The following USP50 variants were observed in gnomAD, a reference collection of about 807,000 sequenced individuals.
USP50 encodes the protein ubiquitin specific peptidase 50.
Under a neutral mutation model 39.2 loss-of-function variants are expected in USP50, and 37 were observed. That is an observed-to-expected ratio of 0.94 (90% CI 0.73 to 1.24). The LOEUF (loss-of-function observed/expected upper bound fraction) is 1.24. Ranked by LOEUF, USP50 falls within the 50% of genes most tolerant of loss-of-function variation. USP50 has a pLI of 0.00. For missense variants in USP50, 374 were observed against 398.2 expected (o/e 0.94, Z 0.52); for synonymous variants, 139 against 144.5 (o/e 0.96, Z 0.27).
chr15:50,516,724 C>T (rs2141359006), intron 6 of USP50, among the ~76,000 whole-genome samples: 1 of 144,252 alleles, frequency 6.9e-6, no homozygotes, highest in South Asian at 2.3e-4. Context: ...GGTAAATGGA[C>T]ACTAAAAGAA....
At chr15:50,496,109 A>ATGAT (rs746762355), downstream of USP50, 9 of 1,538,400 alleles carry the variant, frequency 5.9e-6, no homozygotes, top group Middle Eastern at 1.8e-4. Context: ...TAGAGAGAAA[A>ATGAT]TGATTTATTG....
chr15:50,517,292 G>A (rs993603222), intron 6 of USP50, among the ~76,000 whole-genome samples: 5 of 152,118 alleles, frequency 3.3e-5, no homozygotes, highest in African/African-American at 9.6e-5. Flanking sequence ...CCAATGTGGT[G>A]AAACCCCATC....
At chr15:50,528,065 GTTTTTT>G (rs57802702) in intron 6 of USP50, among the ~76,000 whole-genome samples, 66,875 of 129,028 alleles carry the variant, frequency 0.52, 16,785 homozygotes, top group East Asian at 0.59. Context: ...AAAGAACTAA[GTTTTTT>G]TTTTTTTTTT....
Position 50,543,794 on chromosome 15 carries a change from C to G in USP50, c.249-1G>C. ...AGCAGTGGCAACTTCACTGCAATCG[C>G]TTGGAAGAAGAAAGGGATATGTTTC... is the stretch of plus-strand genomic sequence containing the variant. On this transcript the variant is annotated splice_acceptor_variant, in intron 2 of 6. Transcript: ENST00000532404. LOFTEE classifies it high-confidence loss of function. 1 of 1,605,182 alleles carries G rather than the reference C, an allele frequency of 6.2e-7. No individual in the cohort carries two copies. Among genetic ancestry groups the G allele is most frequent in the Non-Finnish European group, 8.5e-7 (1 of 1,175,474 alleles).
chr15:50,496,648 A>G (rs1204011043), downstream of USP50, among the ~76,000 whole-genome samples: 2 of 152,178 alleles, frequency 1.3e-5, no homozygotes, highest in Admixed American at 6.5e-5. Context: ...AAAAAGTTTT[A>G]TAAGTTAATT....
At chr15:50,510,417 C>T (rs1297629059) in intron 6 of USP50, 1 of 151,612 alleles carries the variant, frequency 6.6e-6, no homozygotes, top group Non-Finnish European at 1.5e-5. Context: ...GATACAACAA[C>T]CAAATGCAGT....
In USP50 at chr15:50,500,608, C is replaced by T; in HGVS notation, c.*161G>A. The T allele has an allele frequency of 1.7e-6, 1 of 599,284 alleles. No homozygotes were observed. The highest frequency in any genetic ancestry group is 2.9e-6 in the Non-Finnish European group (1 of 342,424). 37.1% of individuals were successfully genotyped at this position (599,284 alleles called of 1,614,324 possible). A position where few individuals can be genotyped will look rare whatever the true frequency, so the allele number is the denominator to read the frequency against. ...CCAAGCAAAACTCTACCACCAGATG[C>T]TGACTGCTTGTTTTGCAGTGTTCAG... On this transcript the variant is annotated 3_prime_UTR_variant, in exon 7 of 7. Coordinates refer to ENST00000532404, the MANE Select transcript of USP50 (RefSeq NM_203494.5).
intron 6 of USP50, among the ~76,000 whole-genome samples, chr15:50,519,248 C>T (rs893389523): frequency 1.3e-5 from 2 of 152,084 alleles, no homozygotes; most frequent in Non-Finnish European, 2.9e-5. Flanking sequence ...GATCACATGA[C>T]TGCACTCCAG....
At chr15:50,495,017 TA>T (rs34381291) in intron 1 of USP50, among the ~76,000 whole-genome samples, 4,632 of 113,502 alleles carry the variant, frequency 0.041, 85 homozygotes, top group East Asian at 0.11. Context: ...AGACTCTTTC[TA>T]AAAAAAAAAA....
In USP50 at chr15:50,494,104, G is replaced by A. The variant is rs1245233173; in HGVS notation, n.211C>T. ...GTTGGGGCATAAAGGTGAAGTGGCA[G>A]AAGAATTTGGTATAATCATGAAAGC... On this transcript the variant is annotated non_coding_transcript_exon_variant, in exon 2 of 2. Coordinates refer to the USP50 transcript ENST00000560159. 4 of 1,609,822 alleles carry A rather than the reference G, an allele frequency of 2.5e-6. No homozygotes were observed. In the African/African-American group the frequency reaches 4.0e-5, roughly 16 times the overall value.
chr15:50,546,478 G>C lies in USP50; in HGVS notation c.48C>G (p.His16Gln), dbSNP rs372921426. 27 of 1,613,514 alleles carry C rather than the reference G, an allele frequency of 1.7e-5. No individual in the cohort carries two copies. The highest frequency in any genetic ancestry group is 3.3e-5 in the Admixed American group (2 of 59,994). Residue 16 changes from histidine (H) to glutamine (Q), a missense_variant, in exon 1 of 7, where the codon CAC (histidine) becomes CAG (glutamine). Physicochemically the swap from His to Gln is conservative, Grantham distance 24 (BLOSUM62 0). Coordinates refer to ENST00000532404, the MANE Select transcript of USP50 (RefSeq NM_203494.5). ...SLPADDFDIY[H>Q]VLAECTDYYD... ...TGTAGTAGATCAAGGCTCACAGGAC[G>C]TGGTAGATATCGAAGTCATCTGCAG...
downstream of USP50, chr15:50,500,385 G>A (rs1187912558): frequency 1.9e-5 from 3 of 160,600 alleles, no homozygotes; most frequent in East Asian, 5.2e-4. Flanking sequence ...ACTGAATTTT[G>A]AAACCTGAAC....
At chr15:50,532,058 G>A (rs549972829) in intron 5 of USP50, 2 of 454,804 alleles carry the variant, frequency 4.4e-6, no homozygotes, top group Admixed American at 2.4e-5. Context: ...ACAGGTCTGC[G>A]TAGGAAAACC....
chr15:50,504,769 G>C (rs2052634934), intron 6 of USP50: 1 of 152,148 alleles, frequency 6.6e-6, no homozygotes, highest in African/African-American at 2.4e-5. Context: ...CATGAGGTCA[G>C]GAGTTCAAGA....
intron 5 of USP50, among the ~76,000 whole-genome samples, chr15:50,535,767 T>A (rs2052975072): frequency 6.6e-6 from 1 of 152,116 alleles, no homozygotes; most frequent in Admixed American, 6.5e-5. Context: ...ATTTTAAAAA[T>A]TAGCTGGGCA....
intron 5 of USP50, among the ~76,000 whole-genome samples, chr15:50,534,638 C>A (rs1279305493): frequency 1.3e-5 from 2 of 152,096 alleles, no homozygotes; most frequent in African/African-American, 4.8e-5. Flanking sequence ...AATATAAAGA[C>A]ACACAGAGCC....
downstream of USP50, chr15:50,500,548 G>A (rs1390706456): frequency 2.1e-5 from 10 of 472,908 alleles, no homozygotes; most frequent in Middle Eastern, 1.8e-3. Context: ...GCATAAAAAT[G>A]TTAATGATGC....
chr15:50,519,455 C>T (rs1432336897), intron 6 of USP50, among the ~76,000 whole-genome samples: 1 of 152,096 alleles, frequency 6.6e-6, no homozygotes, highest in Non-Finnish European at 1.5e-5. Flanking sequence ...TGGCTCACGC[C>T]TGTAATCCCA....
intron 6 of USP50, among the ~76,000 whole-genome samples, chr15:50,515,652 G>GTGTA (rs963738973): frequency 1.4e-5 from 2 of 147,570 alleles, no homozygotes; most frequent in African/African-American, 4.9e-5. Flanking sequence ...ATATATATGT[G>GTGTA]TATATATATA....
Sources: allele counts gnomAD v4.1 joint callset (sites outside exome capture counted in the v4.1 genomes callset), GRCh38; gene constraint gnomAD v4.1.1; transcripts MANE v1.5; gene names NCBI Gene and HGNC (gene_info 2026-07-23, HGNC 2026-07-21).